SLC17A5: variants seen among roughly 807,000 people sequenced by gnomAD.
SLC17A5 encodes solute carrier family 17 member 5.
A neutral mutation model predicts 59.4 loss-of-function variants in SLC17A5; 47 were observed. That is an observed-to-expected ratio of 0.79 (90% CI 0.63 to 1.01). SLC17A5 has a LOEUF of 1.01. Ranked by LOEUF, SLC17A5 falls within the 50% of genes least tolerant of loss-of-function variation. SLC17A5 has a pLI of 0.00. For synonymous variants in SLC17A5, 202 were observed against 210.7 expected, an observed-to-expected ratio of 0.96 and a Z score of 0.36; for missense variants, 522 against 595.5, an observed-to-expected ratio of 0.88 and a Z score of 1.28.
At chr6:73,637,034 G>A (rs1277371428) in intron 4 of SLC17A5, among the ~76,000 whole-genome samples, 1 of 151,920 alleles carries the variant, frequency 6.6e-6, no homozygotes, top group Non-Finnish European at 1.5e-5. Flanking sequence ...TGCAGTGAGG[G>A]GCGATTGTGC....
chr6:73,650,197 C>CAAAAAAAAA (rs756204732), intron 1 of SLC17A5, among the ~76,000 whole-genome samples: 4 of 39,020 alleles, frequency 1.0e-4, no homozygotes, highest in African/African-American at 2.5e-4. Flanking sequence ...CTTTTTTCTA[C>CAAAAAAAAA]AAAAAAAAAA....
intron 10 of SLC17A5, among the ~76,000 whole-genome samples, chr6:73,596,607 A>T (rs1409939437): frequency 1.3e-5 from 2 of 152,346 alleles, no homozygotes; most frequent in East Asian, 3.9e-4. Context: ...CTGTAATCCC[A>T]GCACTTTGGG....
In SLC17A5 at chr6:73,594,811, C is replaced by T. The variant is rs1016962078; in HGVS notation, c.*266G>A. 6 of 456,472 alleles carry T rather than the reference C, an allele frequency of 1.3e-5. No individual in the cohort carries two copies. The highest frequency in any genetic ancestry group is 3.9e-5 in the African/African-American group (2 of 50,634). 28.3% of individuals were successfully genotyped at this position (456,472 alleles called of 1,614,324 possible). A position where few individuals can be genotyped will look rare whatever the true frequency, so the allele number is the denominator to read the frequency against. ...CTTTAGTATGGCCCTAAAAAATCAA[C>T]AGAACTGTCCTACTTCATGTTGCCC... is the stretch of plus-strand genomic sequence containing the variant. On this transcript the variant is annotated 3_prime_UTR_variant, in exon 11 of 11. Coordinates refer to ENST00000355773, the MANE Select transcript of SLC17A5 (RefSeq NM_012434.5).
chr6:73,628,027 C>G (rs12213067), intron 6 of SLC17A5, among the ~76,000 whole-genome samples: 32,748 of 151,686 alleles, frequency 0.22, 3,723 homozygotes, highest in Non-Finnish European at 0.25. Context: ...TCTAGTGATC[C>G]TCTCACCTCA....
chr6:73,609,308 C>T (rs1305580651), intron 9 of SLC17A5, among the ~76,000 whole-genome samples: 2 of 152,112 alleles, frequency 1.3e-5, no homozygotes, highest in Non-Finnish European at 2.9e-5. Context: ...GAATTTTGGG[C>T]TTAAAAGTAA....
chr6:73,601,649 G>T (rs1428962327), intron 9 of SLC17A5, among the ~76,000 whole-genome samples: 1 of 84,710 alleles, frequency 1.2e-5, no homozygotes, highest in Non-Finnish European at 2.4e-5. Context: ...GGGGGGGTCA[G>T]CCCCCCGCCC....
chr6:73,638,501 TGA>T lies in SLC17A5; in HGVS notation c.526-4_526-3del, dbSNP rs1581985046. Reference sequence around the variant, plus strand: ...ATGCATGGCTGGAAATGTAACACCCTGAGAGAAGGGAACATGATATTTCTGAT... The same window carrying T: ...ATGCATGGCTGGAAATGTAACACCCTGAGAAGGGAACATGATATTTCTGAT... On this transcript the variant is annotated splice_region_variant and splice_polypyrimidine_tract_variant and intron_variant, in intron 3 of 10. Transcript: ENST00000355773. 1 of 1,608,652 alleles carries T rather than the reference TGA, an allele frequency of 6.2e-7. No individual in the cohort carries two copies.
chr6:73,641,170 C>T (rs1039858122), intron 3 of SLC17A5, among the ~76,000 whole-genome samples: 2 of 152,128 alleles, frequency 1.3e-5, no homozygotes, highest in African/African-American at 2.4e-5. Flanking sequence ...ACCTCTGCCT[C>T]CCGGGTTCAA....
intron 10 of SLC17A5, among the ~76,000 whole-genome samples, chr6:73,599,921 T>C (rs551021809): frequency 1.3e-5 from 2 of 152,212 alleles, no homozygotes; most frequent in East Asian, 3.9e-4. Context: ...CTCAGCCTCC[T>C]GAGTAGCTGG....
At chr6:73,608,542 T>C (rs473078) in intron 9 of SLC17A5, among the ~76,000 whole-genome samples, 16,349 of 152,210 alleles carry the variant, frequency 0.11, 1,051 homozygotes, top group Middle Eastern at 0.18. Context: ...GCCTGAAGCC[T>C]ATTATTTCTG....
intron 9 of SLC17A5, among the ~76,000 whole-genome samples, chr6:73,604,134 CTT>C (rs892882001): frequency 2.7e-5 from 4 of 146,522 alleles, no homozygotes; most frequent in African/African-American, 7.5e-5. Context: ...CAGAGCCTCT[CTT>C]TTTTTTTTTT....
intron 2 of SLC17A5, among the ~76,000 whole-genome samples, chr6:73,643,473 T>A (rs976406261): frequency 2.1e-5 from 3 of 141,396 alleles, no homozygotes; most frequent in African/African-American, 7.8e-5. Flanking sequence ...AATTTATTAT[T>A]TTTTATTTAT....
rs913607926 is a variant in SLC17A5 at position 73,624,096 on chromosome 6, T to G, written c.820-2134A>C. On this transcript the variant is annotated intron_variant, in intron 6 of 10. Transcript: ENST00000355773. ...ACATAGTCAAACACATTGCTCCCTT[T>G]AAATATTATTATATCAACAAATTAT... Among the ~76,000 whole-genome samples, 20 of 152,008 alleles carry G rather than the reference T, an allele frequency of 1.3e-4. No homozygotes were observed. In the East Asian group the frequency reaches 3.5e-3, roughly 26 times the overall value.
intron 1 of SLC17A5, among the ~76,000 whole-genome samples, chr6:73,649,985 G>C (rs1388766354): frequency 3.3e-5 from 5 of 152,198 alleles, no homozygotes; most frequent in African/African-American, 1.2e-4. Flanking sequence ...TCAGGAGTAG[G>C]CACTAAGAAA....
chr6:73,634,648 C>T (rs1768915763), intron 6 of SLC17A5, among the ~76,000 whole-genome samples: 1 of 152,180 alleles, frequency 6.6e-6, no homozygotes, highest in Admixed American at 6.5e-5. Context: ...GATCCGCCTG[C>T]CTCAGCCTCC....
chr6:73,621,163 G>A (rs948532146), intron 7 of SLC17A5, among the ~76,000 whole-genome samples: 2 of 152,020 alleles, frequency 1.3e-5, no homozygotes, highest in Admixed American at 6.6e-5. Flanking sequence ...GCACTACCAC[G>A]CCTGGTTAAT....
rs11337721 is a variant in SLC17A5, at chr6:73,621,679, CT to C, written c.978+124del. The C allele has an allele frequency of 0.11, 82,853 of 773,590 alleles. 6,735 individuals carry two copies. The highest frequency in any genetic ancestry group is 0.34 in the African/African-American group (19,403 of 56,760). The allele number at this position is 773,590 out of a possible 1,614,324, so 47.9% of individuals were successfully genotyped here. ...ATAGTCCTTTGATGTATAAGAATCT[CT>C]AAAATTTAGGACAGCAGAGTAAAAT... On this transcript the variant is annotated intron_variant, in intron 7 of 10. Coordinates refer to ENST00000355773, the MANE Select transcript of SLC17A5 (RefSeq NM_012434.5).
In SLC17A5 at chr6:73,644,390, T is replaced by C. The variant is rs1769437842; in HGVS notation, c.291+17A>G. On this transcript the variant is annotated intron_variant, in intron 2 of 10. Coordinates refer to ENST00000355773, the MANE Select transcript of SLC17A5 (RefSeq NM_012434.5). ...TTTAGGATAATTAAAATTGTTTCCT[T>C]AAAAAATAGCACCTACCGTTTGATT... 6.2e-7 allele frequency: 1 copy of C among 1,600,790 alleles called. No individual in the cohort carries two copies. Among genetic ancestry groups the C allele is most frequent in the South Asian group, 1.1e-5 (1 of 90,174 alleles).
intron 2 of SLC17A5, among the ~76,000 whole-genome samples, chr6:73,643,457 G>A (rs2150119941): frequency 6.7e-6 from 1 of 149,266 alleles, no homozygotes; most frequent in Non-Finnish European, 1.5e-5. Context: ...ACCGCGCCCG[G>A]CCAAAAATTT....
Sources: allele counts gnomAD v4.1 joint callset (sites outside exome capture counted in the v4.1 genomes callset), GRCh38; gene constraint gnomAD v4.1.1; transcripts MANE v1.5; gene names NCBI Gene and HGNC (gene_info 2026-07-23, HGNC 2026-07-21).